The following TAOK3 variants were observed in gnomAD, a reference collection of about 807,000 sequenced individuals.
The protein encoded by TAOK3 is TAO kinase 3, also known as serine/threonine-protein kinase TAO3.
In TAOK3, 40 loss-of-function variants were observed where a neutral mutation model predicts 120.4. The ratio of observed to expected loss-of-function variants is 0.33; its 90% CI spans 0.26 to 0.43. The LOEUF (loss-of-function observed/expected upper bound fraction) is 0.43, where lower values mean the gene tolerates loss of function less well. Among genes scored for constraint, TAOK3 ranks in the 20% least tolerant of loss-of-function variants. The pLI is 1.00. For synonymous variants in TAOK3, 355 were observed against 387.5 expected, an observed-to-expected ratio of 0.92 and a Z score of 0.99; for missense variants, 821 against 1,112.1, an observed-to-expected ratio of 0.74 and a Z score of 3.72.
rs371871925 is a variant in TAOK3 at position 118,255,575 on chromosome 12, A to C, written c.-8T>G. The C allele has an allele frequency of 1.3e-4, 216 of 1,601,904 alleles. 1 individual carries two copies. Among genetic ancestry groups the C allele is most frequent in the Non-Finnish European group, 1.7e-4 (198 of 1,175,132 alleles). On this transcript the variant is annotated 5_prime_UTR_variant, in exon 3 of 21. Transcript: ENST00000392533. ...CAGCACCCCTTTACGCATGATGGCC[A>C]GTAGAGCAGGCTCTGCTTTTTGATA... is the stretch of plus-strand genomic sequence containing the variant.
At chr12:118,278,725 C>T (rs1426968947) in intron 1 of TAOK3, among the ~76,000 whole-genome samples, 1 of 152,184 alleles carries the variant, frequency 6.6e-6, no homozygotes. Flanking sequence ...AACTGCTTTC[C>T]ACAATGACTG....
intron 11 of TAOK3, 95 bp downstream of exon 11, chr12:118,212,819 C>T (rs2038699106): frequency 2.3e-6 from 2 of 855,200 alleles, no homozygotes; most frequent in South Asian, 3.6e-5. Flanking sequence ...TCCTAAACCA[C>T]TTTGTCATGA....
At chr12:118,290,184 T>A (rs1422962139) in intron 1 of TAOK3, among the ~76,000 whole-genome samples, 1 of 152,144 alleles carries the variant, frequency 6.6e-6, no homozygotes, top group East Asian at 1.9e-4. Flanking sequence ...ATGTACAGGA[T>A]GTAAGATCCA....
rs1488040876 is a variant in TAOK3, at chr12:118,238,055, A to G, written c.437+18T>C. 1.3e-6 allele frequency: 2 copies of G among 1,498,462 alleles called. No homozygotes were observed. The highest frequency in any genetic ancestry group is 1.8e-6 in the Non-Finnish European group (2 of 1,087,504). The allele number at this position is 1,498,462 out of a possible 1,614,324, so 92.8% of individuals were successfully genotyped here. A position where few individuals can be genotyped will look rare whatever the true frequency, so the allele number is the denominator to read the frequency against. On this transcript the variant is annotated intron_variant, in intron 7 of 20. Transcript: ENST00000392533. ...AGTCCTGCAACTGAAAAGAAACATAACTGGTCTCTAATCTTACCTATGAAT... is the reference window on the plus strand; with the variant it reads ...AGTCCTGCAACTGAAAAGAAACATAGCTGGTCTCTAATCTTACCTATGAAT...
intron 15 of TAOK3, among the ~76,000 whole-genome samples, chr12:118,180,759 C>T (rs1000196216): frequency 2.6e-5 from 4 of 152,030 alleles, no homozygotes; most frequent in Non-Finnish European, 2.9e-5. Context: ...TTGTTGTGCA[C>T]GTTCTCAGAA....
chr12:118,163,967 C>T (rs2035401657), intron 17 of TAOK3, among the ~76,000 whole-genome samples: 2 of 151,980 alleles, frequency 1.3e-5, no homozygotes, highest in African/African-American at 2.4e-5. Context: ...CCGCCTTGGC[C>T]TCTCAAAGTG....
At chr12:118,188,127 T>G (rs896224263) in intron 14 of TAOK3, among the ~76,000 whole-genome samples, 4 of 152,114 alleles carry the variant, frequency 2.6e-5, no homozygotes, top group African/African-American at 9.7e-5. Flanking sequence ...GAAAGCCACT[T>G]GGTATAATGT....
Position 118,172,668 on chromosome 12 carries a change from GA to G in TAOK3, c.1696-9del. ...ATGGTCCTCATTCATTTCCTAAAAAGAACAGACAAAAACCAAGCCAGCCTTA... is the reference window on the plus strand; with the variant it reads ...ATGGTCCTCATTCATTTCCTAAAAAGACAGACAAAAACCAAGCCAGCCTTA... On this transcript the variant is annotated splice_polypyrimidine_tract_variant and intron_variant, in intron 16 of 20. Coordinates refer to ENST00000392533, the MANE Select transcript of TAOK3 (RefSeq NM_016281.4). 1 of 1,613,514 alleles carries G rather than the reference GA, an allele frequency of 6.2e-7. No homozygotes were observed. The highest frequency in any genetic ancestry group is 1.1e-5 in the South Asian group (1 of 91,068).
chr12:118,248,458 T>C (rs552819487), intron 3 of TAOK3, among the ~76,000 whole-genome samples: 19 of 152,166 alleles, frequency 1.2e-4, no homozygotes, highest in African/African-American at 4.6e-4. Flanking sequence ...CAATCATAAA[T>C]AAAAGCTGAT....
chr12:118,223,031 T>A (rs1306821113), intron 9 of TAOK3, among the ~76,000 whole-genome samples: 13 of 151,090 alleles, frequency 8.6e-5, no homozygotes, highest in Non-Finnish European at 1.6e-4. Context: ...AAACACTACC[T>A]GAAAAGGTAT....
At chr12:118,182,187 A>AAAC (rs571700333) in intron 14 of TAOK3, among the ~76,000 whole-genome samples, 2 of 152,178 alleles carry the variant, frequency 1.3e-5, no homozygotes, top group Non-Finnish European at 2.9e-5. Flanking sequence ...TCTCAAAAAA[A>AAAC]AACAACAACA....
chr12:118,342,957 A>AAAAAG (rs1555257895), intron 1 of TAOK3, among the ~76,000 whole-genome samples: 1 of 120,376 alleles, frequency 8.3e-6, no homozygotes, highest in Non-Finnish European at 1.7e-5. Flanking sequence ...AAAAAAAAAA[A>AAAAAG]AGAGAGAGAG....
intron 14 of TAOK3, among the ~76,000 whole-genome samples, chr12:118,188,578 G>T (rs1029507500): frequency 6.6e-6 from 1 of 152,134 alleles, no homozygotes; most frequent in Non-Finnish European, 1.5e-5. Flanking sequence ...CAATATGTAC[G>T]TGCTTTAACT....
chr12:118,346,830 T>C (rs1010354497), intron 1 of TAOK3, among the ~76,000 whole-genome samples: 1 of 152,250 alleles, frequency 6.6e-6, no homozygotes, highest in Admixed American at 6.5e-5. Context: ...CTAACTTGTC[T>C]ATCTGTAGTT....
chr12:118,331,832 T>A (rs1002677518), intron 1 of TAOK3, among the ~76,000 whole-genome samples: 1 of 150,854 alleles, frequency 6.6e-6, no homozygotes, highest in East Asian at 1.9e-4. Flanking sequence ...CATGAATTTT[T>A]TTTTTTTTTT....
intron 13 of TAOK3, 92 bp downstream of exon 13, chr12:118,198,959 A>G: frequency 7.0e-7 from 1 of 1,424,400 alleles, no homozygotes; most frequent in East Asian, 2.3e-5. Context: ...AGTTGCAAAA[A>G]GGTAACTGAA....
At chr12:118,264,572 G>T (rs958291543) in intron 2 of TAOK3, among the ~76,000 whole-genome samples, 1 of 152,126 alleles carries the variant, frequency 6.6e-6, no homozygotes, top group Non-Finnish European at 1.5e-5. Context: ...GTGATGGCAG[G>T]TAAAAAGGAG....
intron 9 of TAOK3, among the ~76,000 whole-genome samples, chr12:118,230,228 T>G (rs1280183376): frequency 1.3e-5 from 2 of 152,080 alleles, no homozygotes; most frequent in African/African-American, 4.8e-5. Flanking sequence ...AAATGAGCCA[T>G]CATTTCCCCA....
At chr12:118,284,843 T>A (rs1222553526) in intron 1 of TAOK3, among the ~76,000 whole-genome samples, 1 of 152,106 alleles carries the variant, frequency 6.6e-6, no homozygotes, top group Non-Finnish European at 1.5e-5. Flanking sequence ...CTAAGTATAA[T>A]ATTATAATTC....
Sources: allele counts gnomAD v4.1 joint callset (sites outside exome capture counted in the v4.1 genomes callset), GRCh38; gene constraint gnomAD v4.1.1; transcripts MANE v1.5; gene names NCBI Gene and HGNC (gene_info 2026-07-23, HGNC 2026-07-21).